AMPH: variants seen among roughly 807,000 people sequenced by gnomAD.
AMPH encodes amphiphysin.
In AMPH, 49 loss-of-function variants were observed where a neutral mutation model predicts 99.1. The observed-to-expected ratio is 0.49, with a 90% CI of 0.39 to 0.63. The LOEUF (loss-of-function observed/expected upper bound fraction) is 0.63, where lower values mean the gene tolerates loss of function less well. Ranked by LOEUF, AMPH falls within the 20% of genes least tolerant of loss-of-function variation. AMPH has a pLI of 0.00. For missense variants in AMPH, 759 were observed against 863.4 expected, an observed-to-expected ratio of 0.88 and a Z score of 1.52; for synonymous variants, 314 against 317.3, an observed-to-expected ratio of 0.99 and a Z score of 0.11.
chr7:38,551,526 A>G (rs1374099957), intron 1 of AMPH, among the ~76,000 whole-genome samples: 1 of 152,156 alleles, frequency 6.6e-6, no homozygotes, highest in Non-Finnish European at 1.5e-5. Context: ...GTTAGCATAC[A>G]GTATATTTAA....
chr7:38,514,123 G>A (rs1219715370), intron 2 of AMPH, among the ~76,000 whole-genome samples: 1 of 152,044 alleles, frequency 6.6e-6, no homozygotes. Flanking sequence ...AATCTACTTA[G>A]TAATTGTGCT....
intron 5 of AMPH, 150 bp from the exon 6 acceptor site, chr7:38,477,119 C>T (rs1584142903): frequency 4.8e-6 from 3 of 619,832 alleles, no homozygotes; most frequent in East Asian, 5.5e-5. Context: ...AGCTAAGTGA[C>T]TCCTGAAAAT....
chr7:38,385,693 T>C (rs928562479), intron 20 of AMPH, among the ~76,000 whole-genome samples: 1 of 152,176 alleles, frequency 6.6e-6, no homozygotes, highest in Admixed American at 6.5e-5. Flanking sequence ...ATCACAAAAA[T>C]GAAACAGTTT....
chr7:38,549,880 G>A (rs1791119995), intron 1 of AMPH, among the ~76,000 whole-genome samples: 1 of 152,184 alleles, frequency 6.6e-6, no homozygotes, highest in Non-Finnish European at 1.5e-5. Flanking sequence ...TAATATGGAA[G>A]TATTTCTCTG....
At chr7:38,624,191 T>TA (rs1794163469) in intron 1 of AMPH, among the ~76,000 whole-genome samples, 2 of 152,216 alleles carry the variant, frequency 1.3e-5, no homozygotes, top group Admixed American at 1.3e-4. Context: ...ACTGAGTACA[T>TA]ACAATTCGCA....
chr7:38,466,021 C>T (rs865801035), intron 8 of AMPH, 152 bp downstream of exon 8: 25 of 619,252 alleles, frequency 4.0e-5, no homozygotes, highest in African/African-American at 3.9e-4. Context: ...TATGAAAAAC[C>T]GTAGAAATGT....
intron 2 of AMPH, among the ~76,000 whole-genome samples, chr7:38,504,247 T>C (rs1258519380): frequency 1.3e-5 from 2 of 152,260 alleles, no homozygotes; most frequent in Non-Finnish European, 2.9e-5. Flanking sequence ...CATCTCTTTC[T>C]TTTCACTTTA....
intron 1 of AMPH, among the ~76,000 whole-genome samples, chr7:38,555,168 G>T (rs1037175315): frequency 6.6e-6 from 1 of 151,930 alleles, no homozygotes; most frequent in African/African-American, 2.4e-5. Flanking sequence ...AGTTCTTTGG[G>T]AGACCAGTGA....
chr7:38,548,945 A>G (rs1490403500), intron 1 of AMPH, among the ~76,000 whole-genome samples: 1 of 152,200 alleles, frequency 6.6e-6, no homozygotes, highest in Non-Finnish European at 1.5e-5. Context: ...CAGAAGATGG[A>G]TCCTCCATGT....
chr7:38,527,540 CAT>C (rs1790233029), intron 2 of AMPH, among the ~76,000 whole-genome samples: 1 of 152,132 alleles, frequency 6.6e-6, no homozygotes. Flanking sequence ...TTGATTTCCA[CAT>C]GTTCATTGTG....
intron 17 of AMPH, among the ~76,000 whole-genome samples, chr7:38,400,962 T>A (rs902356667): frequency 1.3e-5 from 2 of 152,198 alleles, no homozygotes; most frequent in African/African-American, 4.8e-5. Flanking sequence ...ATAAAAGAAA[T>A]AATTTATGGT....
At chr7:38,497,685 T>A (rs1788982343) in intron 3 of AMPH, among the ~76,000 whole-genome samples, 1 of 152,208 alleles carries the variant, frequency 6.6e-6, no homozygotes, top group Non-Finnish European at 1.5e-5. Context: ...ACTGCAAGTA[T>A]CTAGCAGCTT....
intron 1 of AMPH, among the ~76,000 whole-genome samples, chr7:38,605,897 C>A (rs1419341891): frequency 2.6e-5 from 4 of 152,148 alleles, no homozygotes; most frequent in African/African-American, 9.7e-5. Context: ...ATTTTGAGTG[C>A]TAGAAGTCTA....
chr7:38,392,161 T>G, intron 18 of AMPH, 144 bp from the exon 19 acceptor site: 1 of 759,716 alleles, frequency 1.3e-6, no homozygotes, highest in Non-Finnish European at 2.1e-6. Flanking sequence ...GGTCTGGGCC[T>G]TCCGCTGTGC....
At chr7:38,536,733 A>C (rs1188624680) in intron 1 of AMPH, among the ~76,000 whole-genome samples, 1 of 152,140 alleles carries the variant, frequency 6.6e-6, no homozygotes, top group Non-Finnish European at 1.5e-5. Flanking sequence ...AAGCTGCAGG[A>C]ATCTAGTATC....
chr7:38,533,584 C>A (rs1031222318), intron 2 of AMPH, among the ~76,000 whole-genome samples: 1 of 152,082 alleles, frequency 6.6e-6, no homozygotes, highest in Non-Finnish European at 1.5e-5. Flanking sequence ...AACCCTGATA[C>A]ACAAATGGAA....
chr7:38,515,919 C>T (rs1437420393), intron 2 of AMPH, among the ~76,000 whole-genome samples: 1 of 152,180 alleles, frequency 6.6e-6, no homozygotes, highest in Non-Finnish European at 1.5e-5. Context: ...AGGCATTGTG[C>T]CCCTGCCCTA....
chr7:38,522,051 T>G (rs1363555839), intron 2 of AMPH, among the ~76,000 whole-genome samples: 1 of 152,140 alleles, frequency 6.6e-6, no homozygotes, highest in Non-Finnish European at 1.5e-5. Flanking sequence ...ATGAGCTGCT[T>G]GGGATCTGTG....
At chr7:38,421,799 G>A (rs1165809353) in intron 16 of AMPH, among the ~76,000 whole-genome samples, 2 of 152,106 alleles carry the variant, frequency 1.3e-5, no homozygotes, top group Admixed American at 6.5e-5. Flanking sequence ...ATCTCTTAAG[G>A]TCTCTTCATT....
Sources: allele counts gnomAD v4.1 joint callset (sites outside exome capture counted in the v4.1 genomes callset), GRCh38; gene constraint gnomAD v4.1.1; transcripts MANE v1.5; gene names NCBI Gene and HGNC (gene_info 2026-07-23, HGNC 2026-07-21).